Variants in TEX9 observed in about 807,000 individuals in gnomAD.
TEX9 encodes testis-expressed protein 9.
A neutral mutation model predicts 59.6 loss-of-function variants in TEX9; 74 were observed. The observed-to-expected ratio is 1.24, with a 90% CI of 1.03 to 1.51. TEX9 has a LOEUF of 1.51. Ranked by LOEUF, TEX9 falls within the 40% of genes most tolerant of loss-of-function variation. The pLI, the probability that TEX9 is intolerant of heterozygous loss-of-function variation, is 0.00. For missense variants in TEX9, 522 were observed against 447.8 expected (o/e 1.17, Z -1.49); for synonymous variants, 186 against 152.2 (o/e 1.22, Z -1.64).
At chr15:56,428,922 C>T in intron 12 of TEX9, 1 of 534,390 alleles carries the variant, frequency 1.9e-6, no homozygotes, top group Non-Finnish European at 3.3e-6. Flanking sequence ...ACAAAAATAA[C>T]AGCTTGATTA....
intron 1 of TEX9, among the ~76,000 whole-genome samples, chr15:56,288,438 C>G (rs1314353542): frequency 6.6e-6 from 1 of 152,058 alleles, no homozygotes; most frequent in Non-Finnish European, 1.5e-5. Flanking sequence ...GGGTGATAAA[C>G]TCCCTCAGAT....
intron 2 of TEX9, chr15:56,366,039 C>T (rs2046926457): frequency 2.2e-6 from 1 of 448,556 alleles, no homozygotes; most frequent in Non-Finnish European, 3.1e-6. Context: ...ATAGAGTTTA[C>T]CTTGTGTAAA....
At chr15:56,392,525 C>A (rs1165975422) in intron 7 of TEX9, among the ~76,000 whole-genome samples, 1 of 152,156 alleles carries the variant, frequency 6.6e-6, no homozygotes, top group African/African-American at 2.4e-5. Context: ...GGCCCCACCT[C>A]CAACACTGGG....
chr15:56,443,535 C>A, intron 12 of TEX9: 1 of 1,584,276 alleles, frequency 6.3e-7, no homozygotes. Flanking sequence ...ATTTCTGTGT[C>A]AACTATTAAA....
chr15:56,308,790 C>T (rs764947013), intron 1 of TEX9, among the ~76,000 whole-genome samples: 1 of 152,094 alleles, frequency 6.6e-6, no homozygotes, highest in Non-Finnish European at 1.5e-5. Context: ...TGCCCCAGGA[C>T]GATTCATTGA....
chr15:56,318,938 C>G (rs186373145), intron 1 of TEX9, among the ~76,000 whole-genome samples: 1 of 152,238 alleles, frequency 6.6e-6, no homozygotes, highest in African/African-American at 2.4e-5. Context: ...GATTAAAGAA[C>G]TCTACGCTAT....
chr15:56,374,976 T>C (rs576765691), intron 3 of TEX9, among the ~76,000 whole-genome samples: 2 of 152,310 alleles, frequency 1.3e-5, no homozygotes, highest in African/African-American at 4.8e-5. Context: ...TGCTTCCAGA[T>C]CTTGGCTATT....
chr15:56,430,308 G>T (rs1177346105), intron 12 of TEX9, among the ~76,000 whole-genome samples, 154 bp downstream of exon 12: 1 of 152,168 alleles, frequency 6.6e-6, no homozygotes, highest in Non-Finnish European at 1.5e-5. Flanking sequence ...CCAGGCTCAA[G>T]CAATCTTCCA....
chr15:56,276,364 G>A (rs1277606930), intron 1 of TEX9, among the ~76,000 whole-genome samples: 1 of 152,086 alleles, frequency 6.6e-6, no homozygotes, highest in East Asian at 1.9e-4. Context: ...GGTGTGTGAT[G>A]TTCCCCTCCC....
At chr15:56,383,518 CCT>C (rs1476417078) in intron 3 of TEX9, among the ~76,000 whole-genome samples, 7 of 152,192 alleles carry the variant, frequency 4.6e-5, no homozygotes, top group African/African-American at 1.7e-4. Flanking sequence ...AGCTTTTACC[CCT>C]GATACTTCAC....
intron 1 of TEX9, among the ~76,000 whole-genome samples, chr15:56,279,177 A>G (rs1227966357): frequency 1.3e-5 from 2 of 152,194 alleles, no homozygotes; most frequent in Non-Finnish European, 2.9e-5. Flanking sequence ...TGGTGTTTGC[A>G]TACAGAAATG....
rs887889737 is a variant in TEX9, at chr15:56,392,350, G to T, written c.571+932G>T. 3.3e-5 allele frequency among the ~76,000 whole-genome samples: 5 copies of T among 152,140 alleles called. No individual in the cohort carries two copies. In the East Asian group the frequency reaches 9.6e-4, roughly 29 times the overall value. On this transcript the variant is annotated intron_variant, in intron 7 of 12. Transcript: ENST00000352903. The stretch of plus-strand genomic sequence containing the variant: ...TCATGGCGGAAGGCAAACAGGGAGT[G>T]AGGCATCTCACACGGTGGGATCACG...
At chr15:56,399,624 C>T (rs879668246) in intron 9 of TEX9, among the ~76,000 whole-genome samples, 6 of 152,220 alleles carry the variant, frequency 3.9e-5, no homozygotes, top group African/African-American at 4.8e-5. Context: ...CCCAGCATGG[C>T]GTTTGAGCTC....
intron 1 of TEX9, among the ~76,000 whole-genome samples, chr15:56,309,099 G>A (rs1023758684): frequency 6.6e-6 from 1 of 152,124 alleles, no homozygotes; most frequent in East Asian, 1.9e-4. Context: ...CTGGAATTCT[G>A]ATAGAAATTG....
chr15:56,285,207 C>T (rs924658989), intron 1 of TEX9, among the ~76,000 whole-genome samples: 8 of 152,050 alleles, frequency 5.3e-5, no homozygotes, highest in African/African-American at 9.7e-5. Context: ...TCTTGATTTT[C>T]GTGTCTCTGA....
At chr15:56,415,765 A>T (rs1295583553) in intron 10 of TEX9, among the ~76,000 whole-genome samples, 2 of 151,784 alleles carry the variant, frequency 1.3e-5, no homozygotes, top group Admixed American at 1.3e-4. Flanking sequence ...GTTTTTTCTA[A>T]TTCTGTGAAG....
chr15:56,384,280 G>A (rs1704751667), intron 4 of TEX9, among the ~76,000 whole-genome samples: 1 of 152,094 alleles, frequency 6.6e-6, no homozygotes, highest in African/African-American at 2.4e-5. Context: ...GTACATAATC[G>A]ATGTGAATAA....
intron 1 of TEX9, among the ~76,000 whole-genome samples, chr15:56,316,385 T>C (rs1280833310): frequency 6.6e-6 from 1 of 151,882 alleles, no homozygotes; most frequent in Non-Finnish European, 1.5e-5. Flanking sequence ...GACCCTCAGC[T>C]GCAGGTCTGT....
chr15:56,389,359 C>A lies in TEX9; in HGVS notation c.354C>A (p.Asn118Lys), dbSNP rs200296454. The change falls in exon 6 of 13, where the codon AAC becomes AAA. Residue 118 changes from asparagine (N) to lysine (K), a missense_variant. Asn to Lys is a moderately conservative substitution (Grantham distance 94, BLOSUM62 0). Transcript: ENST00000352903. Reference sequence around the variant, plus strand: ...TTGATCCTGTAAACAAGGTTCAAAACAAATTACACTCTGCAAATAAAGGAA... The same window carrying A: ...TTGATCCTGTAAACAAGGTTCAAAAAAAATTACACTCTGCAAATAAAGGAA... 6.6e-5 allele frequency: 106 copies of A among 1,611,012 alleles called. 1 individual carries two copies. In the African/African-American group the frequency reaches 1.3e-3, roughly 19 times the overall value.
Sources: allele counts gnomAD v4.1 joint callset (sites outside exome capture counted in the v4.1 genomes callset), GRCh38; gene constraint gnomAD v4.1.1; transcripts MANE v1.5; gene names NCBI Gene and HGNC (gene_info 2026-07-23, HGNC 2026-07-21).